NKD1: variants seen among roughly 807,000 people sequenced by gnomAD.
NKD1 encodes the protein protein naked cuticle homolog 1.
NKD1 carries 21 observed loss-of-function variants against 56.0 expected under a neutral mutation model. That is an observed-to-expected ratio of 0.38 (90% confidence interval 0.27 to 0.54). NKD1 has a LOEUF of 0.54. Ranked by LOEUF, NKD1 falls within the 20% of genes least tolerant of loss-of-function variation. NKD1 has a pLI of 0.82. For synonymous variants in NKD1, 263 were observed against 265.7 expected, an observed-to-expected ratio of 0.99 and a Z score of 0.10; for missense variants, 578 against 642.7, an observed-to-expected ratio of 0.90 and a Z score of 1.09.
At position 50,636,959 on chromosome 16, in the gene NKD1, TA is replaced by T. The variant is rs1350844129; in HGVS notation, c.*3179del. ...AGGAGCATAGTGTTCATACTTATGCTATTTTTTTCAGTAACTGAATATATTT... is the reference window on the plus strand; with the variant it reads ...AGGAGCATAGTGTTCATACTTATGCTTTTTTTTCAGTAACTGAATATATTT... On this transcript the variant is annotated 3_prime_UTR_variant, in exon 10 of 10. Coordinates refer to ENST00000268459, the MANE Select transcript of NKD1 (RefSeq NM_033119.5). 6 of 152,366 alleles carry T rather than the reference TA, an allele frequency of 3.9e-5. No individual in the cohort carries two copies. The highest frequency in any genetic ancestry group is 1.4e-4 in the African/African-American group (6 of 41,582). 9.4% of individuals were successfully genotyped at this position (152,366 alleles called of 1,614,324 possible). A position where few individuals can be genotyped will look rare whatever the true frequency, so the allele number is the denominator to read the frequency against.
intron 4 of NKD1, among the ~76,000 whole-genome samples, chr16:50,620,114 T>C (rs1253542717): frequency 1.3e-5 from 2 of 152,278 alleles, no homozygotes; most frequent in Non-Finnish European, 2.9e-5. Flanking sequence ...AAACAGCAAG[T>C]GCTTAGTCAT....
chr16:50,565,885 C>A (rs1960748376), intron 3 of NKD1, among the ~76,000 whole-genome samples: 1 of 152,182 alleles, frequency 6.6e-6, no homozygotes, highest in Non-Finnish European at 1.5e-5. Context: ...TAAGGATAGA[C>A]CATCATTGCA....
In NKD1 at chr16:50,623,729, G is replaced by A. The variant is rs1962144919; in HGVS notation, c.367-1756G>A. On this transcript the variant is annotated intron_variant, in intron 5 of 9. Transcript: ENST00000268459. The surrounding 1 kb of genome is among the most constrained non-coding windows in gnomAD (Gnocchi z 4.1). ...TGTCTTGGAAACAGGTAAGTGCTGT[G>A]TGTGTGTGTGTGTGTGTGTGTGTGT... Among the ~76,000 whole-genome samples, 1 of 141,830 alleles carries A rather than the reference G, an allele frequency of 7.1e-6. No individual in the cohort carries two copies. The highest frequency in any genetic ancestry group is 2.8e-5 in the African/African-American group (1 of 36,056). The allele number at this position is 141,830 out of a possible 152,430, so 93.0% of individuals were successfully genotyped here.
chr16:50,632,462 G>A lies in NKD1; in HGVS notation c.823+54G>A, dbSNP rs192682709. ...CGATGAGGGCAGGGCGTGGCTGGAC[G>A]GGCCAGGCGGGCCGTGCGGGTGGTG... On this transcript the variant is annotated intron_variant, in intron 9 of 9. Transcript: ENST00000268459. This position sits in a 1 kb window ranked among gnomAD's most constrained non-coding sequence, Gnocchi z 4.1. 1.3e-5 allele frequency: 21 copies of A among 1,597,460 alleles called. No homozygotes were observed. In the African/African-American group the frequency reaches 1.9e-4, roughly 14 times the overall value.
chr16:50,612,415 ATGTGC>A (rs1167035604), intron 4 of NKD1, among the ~76,000 whole-genome samples: 3 of 152,342 alleles, frequency 2.0e-5, no homozygotes, highest in Admixed American at 2.0e-4. Context: ...ACCATTCAGT[ATGTGC>A]TGGGCATTTG....
At position 50,585,926 on chromosome 16, in the gene NKD1, C is replaced by G. The variant is rs1961219199; in HGVS notation, c.193-22368C>G. ...GTAAAGCACCCTCTTCACAAGGGTT[C>G]TGTTCCTGTCCACTGTTGGTGTTCC... On this transcript the variant is annotated intron_variant, in intron 3 of 9. Transcript: ENST00000268459. Among the ~76,000 whole-genome samples the G allele has an allele frequency of 2.0e-5, 3 of 152,212 alleles. No individual in the cohort carries two copies. In the South Asian group the frequency reaches 6.2e-4, roughly 31 times the overall value.
chr16:50,607,976 A>G (rs927084752), intron 3 of NKD1: 7 of 315,914 alleles, frequency 2.2e-5, no homozygotes, highest in African/African-American at 1.1e-4. Context: ...CTGGTGGGGA[A>G]CAGGCAGGGT....
chr16:50,578,454 C>T (rs1961035900), intron 3 of NKD1, among the ~76,000 whole-genome samples: 1 of 152,080 alleles, frequency 6.6e-6, no homozygotes, highest in Non-Finnish European at 1.5e-5. Flanking sequence ...TTGCAGGTGC[C>T]CTTGGTACCT....
chr16:50,570,529 G>A (rs1596712044), intron 3 of NKD1, among the ~76,000 whole-genome samples: 1 of 152,230 alleles, frequency 6.6e-6, no homozygotes, highest in Admixed American at 6.5e-5. Context: ...TACTAGCTGT[G>A]TGACCTTTGG....
intron 3 of NKD1, among the ~76,000 whole-genome samples, chr16:50,555,086 C>T (rs569038382): frequency 2.6e-5 from 4 of 152,210 alleles, no homozygotes; most frequent in African/African-American, 9.6e-5. Flanking sequence ...CAGAGGCACT[C>T]TGGGAGGGAG....
At chr16:50,613,374 C>T (rs1051199283) in intron 4 of NKD1, among the ~76,000 whole-genome samples, 9 of 151,996 alleles carry the variant, frequency 5.9e-5, no homozygotes, top group Admixed American at 5.9e-4. Context: ...ACAGGGCTGG[C>T]GGTGGCTTCC....
chr16:50,573,547 C>T (rs750964144), intron 3 of NKD1, among the ~76,000 whole-genome samples: 1 of 152,234 alleles, frequency 6.6e-6, no homozygotes, highest in African/African-American at 2.4e-5. Flanking sequence ...TCAGGACCTC[C>T]CCTTCTGGGT....
In NKD1 at chr16:50,575,062, T is replaced by C. The variant is rs1466022186; in HGVS notation, c.192+25507T>C. 9 of 985,306 alleles carry C rather than the reference T, an allele frequency of 9.1e-6. No individual in the cohort carries two copies. The South Asian group carries it at 3.8e-4, about 41-fold the overall frequency. 61.0% of individuals were successfully genotyped at this position (985,306 alleles called of 1,614,324 possible). On this transcript the variant is annotated intron_variant, in intron 3 of 9. Coordinates refer to ENST00000268459, the MANE Select transcript of NKD1 (RefSeq NM_033119.5). ...GAACCCAGCTGTCTTCTGAGAGAGC[T>C]GGAAAGTTGTTTCATGACACCAGTA... is the stretch of plus-strand genomic sequence containing the variant.
rs200914567 is a variant in NKD1 at position 50,633,498 on chromosome 16, C to G, written c.1130C>G (p.Ala377Gly). Reference sequence around the variant, plus strand: ...CCCCCTCTGGGACCCGCCATCCCTGCGGTGTCCCCCTCCGCCCACCTGGCT... The same window carrying G: ...CCCCCTCTGGGACCCGCCATCCCTGGGGTGTCCCCCTCCGCCCACCTGGCT... ...NKPPLGPAIPAVSPSAHLAAS... is the reference protein window; with the variant it reads ...NKPPLGPAIPGVSPSAHLAAS... The change falls in exon 10 of 10, where the codon GCG becomes GGG. Residue 377 changes from alanine (A) to glycine (G), a missense_variant. Physicochemically the swap from Ala to Gly is moderately conservative, Grantham distance 60. Coordinates refer to ENST00000268459, the MANE Select transcript of NKD1 (RefSeq NM_033119.5). The surrounding 1 kb of genome is among the most constrained non-coding windows in gnomAD (Gnocchi z 4.9). 3.4e-5 allele frequency: 55 copies of G among 1,610,000 alleles called. No homozygotes were observed. The highest frequency in any genetic ancestry group is 4.4e-5 in the Non-Finnish European group (52 of 1,178,396).
chr16:50,625,697 G>A, intron 6 of NKD1, 117 bp downstream of exon 6: 1 of 684,920 alleles, frequency 1.5e-6, no homozygotes, highest in East Asian at 2.8e-5. Flanking sequence ...CTCAGGGAAG[G>A]CCGTAACAGC....
At chr16:50,575,430 G>A (rs1326127890) in intron 3 of NKD1, 2 of 812,982 alleles carry the variant, frequency 2.5e-6, no homozygotes, top group Non-Finnish European at 1.5e-6. Flanking sequence ...GGTTGTCTGT[G>A]TTCCTGGGAG....
chr16:50,615,878 G>C (rs756194134), intron 4 of NKD1, among the ~76,000 whole-genome samples: 2 of 152,212 alleles, frequency 1.3e-5, no homozygotes, highest in Non-Finnish European at 2.9e-5. Flanking sequence ...ACAGAGGTGG[G>C]ATCGCTAGGA....
At chr16:50,617,306 TGGGGGA>T (rs1316819624) in intron 4 of NKD1, among the ~76,000 whole-genome samples, 3 of 152,070 alleles carry the variant, frequency 2.0e-5, no homozygotes, top group African/African-American at 7.2e-5. Context: ...TTTTTTAAAC[TGGGGGA>T]GGGGAGAGGG....
At chr16:50,548,948 G>C in intron 2 of NKD1, 199 bp downstream of exon 2, 11 of 955,736 alleles carry the variant, frequency 1.2e-5, no homozygotes, top group Non-Finnish European at 1.4e-5. Flanking sequence ...GCGGTCCTGC[G>C]CTCCCACCGC....
Sources: gnomAD v4.1 joint callset for allele counts (sites outside exome capture counted in the v4.1 genomes callset) on GRCh38, gnomAD v4.1.1 for gene constraint, Gnocchi (gnomAD v3.1) non-coding constraint, MANE v1.5 for transcripts, NCBI Gene and HGNC (gene_info 2026-07-23, HGNC 2026-07-21) for gene names.